The following FSIP1 variants were observed in gnomAD, a reference collection of about 807,000 sequenced individuals.
FSIP1 encodes the protein fibrous sheath-interacting protein 1.
FSIP1 carries 65 observed loss-of-function variants against 60.9 expected under a neutral mutation model. That is an observed-to-expected ratio of 1.07 (90% CI 0.87 to 1.31). The LOEUF is 1.31. Among genes scored for constraint, FSIP1 ranks in the 40% most tolerant of loss-of-function variants. FSIP1 has a pLI of 0.00. For missense variants in FSIP1, 675 were observed against 665.5 expected (o/e 1.01, Z -0.16); for synonymous variants, 209 against 221.2 (o/e 0.94, Z 0.49).
chr15:39,632,093 G>A (rs902873935), intron 10 of FSIP1, among the ~76,000 whole-genome samples: 14 of 152,068 alleles, frequency 9.2e-5, no homozygotes, highest in African/African-American at 2.9e-4. Flanking sequence ...GGTGGTTGTC[G>A]GAAACATCAC....
At chr15:39,703,271 C>T (rs749254969) in intron 10 of FSIP1, among the ~76,000 whole-genome samples, 3 of 152,168 alleles carry the variant, frequency 2.0e-5, no homozygotes, top group South Asian at 2.1e-4. Context: ...CGTGAGCCAC[C>T]GTGCCCAGCT....
chr15:39,603,041 A>G (rs182760009), intron 11 of FSIP1, among the ~76,000 whole-genome samples: 1 of 152,340 alleles, frequency 6.6e-6, no homozygotes, highest in African/African-American at 2.4e-5. Context: ...GACACTACTG[A>G]CATCAAGTCA....
intron 10 of FSIP1, among the ~76,000 whole-genome samples, chr15:39,668,658 C>T (rs948133506): frequency 6.6e-6 from 1 of 152,162 alleles, no homozygotes; most frequent in Non-Finnish European, 1.5e-5. Context: ...TCAGAGTGAC[C>T]GTGTCACTTG....
intron 10 of FSIP1, among the ~76,000 whole-genome samples, chr15:39,633,091 C>CTTTTTT (rs869063502): frequency 0.098 from 10,971 of 112,326 alleles, 765 homozygotes; most frequent in East Asian, 0.22. Context: ...GGCTATACTT[C>CTTTTTT]TTTTTTTTTT....
At chr15:39,626,584 G>C (rs1288981056) in intron 10 of FSIP1, among the ~76,000 whole-genome samples, 1 of 152,130 alleles carries the variant, frequency 6.6e-6, no homozygotes. Flanking sequence ...TGGAACACAG[G>C]GGTGGTTTCC....
chr15:39,638,290 A>G (rs1892217614), intron 10 of FSIP1, among the ~76,000 whole-genome samples: 1 of 152,236 alleles, frequency 6.6e-6, no homozygotes, highest in Admixed American at 6.5e-5. Flanking sequence ...ACATTATAGC[A>G]AAGCATGTTA....
intron 1 of FSIP1, among the ~76,000 whole-genome samples, chr15:39,781,549 C>T (rs1382582555): frequency 6.6e-6 from 1 of 152,000 alleles, no homozygotes; most frequent in Non-Finnish European, 1.5e-5. Context: ...TAATAGCCAA[C>T]AACTGGAAAG....
intron 11 of FSIP1, among the ~76,000 whole-genome samples, chr15:39,602,789 A>G (rs1419593667): frequency 1.3e-5 from 2 of 152,160 alleles, no homozygotes; most frequent in Non-Finnish European, 2.9e-5. Context: ...GCCACCTCCC[A>G]TCCCTCTATA....
intron 5 of FSIP1, among the ~76,000 whole-genome samples, chr15:39,743,892 T>G (rs1052525726): frequency 5.9e-5 from 9 of 152,074 alleles, no homozygotes; most frequent in African/African-American, 1.9e-4. Context: ...TGCTACAAAA[T>G]AATAGGCCTA....
chr15:39,643,268 A>G (rs756949908), intron 10 of FSIP1, among the ~76,000 whole-genome samples: 2 of 152,258 alleles, frequency 1.3e-5, no homozygotes, highest in Non-Finnish European at 1.5e-5. Flanking sequence ...TTAAAAGATG[A>G]GTAGACAAGA....
At chr15:39,746,670 T>C (rs1897004901) in intron 5 of FSIP1, among the ~76,000 whole-genome samples, 1 of 152,188 alleles carries the variant, frequency 6.6e-6, no homozygotes, top group African/African-American at 2.4e-5. Context: ...ACAGCAGACA[T>C]TTTGAAAATA....
intron 2 of FSIP1, among the ~76,000 whole-genome samples, chr15:39,774,199 T>C (rs1470652392): frequency 2.6e-5 from 4 of 152,172 alleles, no homozygotes; most frequent in Non-Finnish European, 5.9e-5. Flanking sequence ...AAAGCACATA[T>C]AGGCCAGACG....
intron 10 of FSIP1, among the ~76,000 whole-genome samples, chr15:39,628,568 C>A (rs1044482863): frequency 8.5e-5 from 13 of 152,192 alleles, no homozygotes; most frequent in Admixed American, 3.9e-4. Context: ...GCATCTCCAG[C>A]ACCCTATCTT....
chr15:39,609,178 G>C (rs1237421422), intron 11 of FSIP1, among the ~76,000 whole-genome samples: 2 of 152,180 alleles, frequency 1.3e-5, no homozygotes, highest in African/African-American at 4.8e-5. Context: ...ACGAGCACAT[G>C]GATCTTGCAG....
At chr15:39,719,552 C>T (rs1895873927) in intron 9 of FSIP1, among the ~76,000 whole-genome samples, 1 of 152,118 alleles carries the variant, frequency 6.6e-6, no homozygotes, top group Non-Finnish European at 1.5e-5. Context: ...GCAAATTACC[C>T]GCAGCTTCGT....
At position 39,604,132 on chromosome 15, in the gene FSIP1, T is replaced by C. The variant is rs542232128; in HGVS notation, c.1700-3206A>G. Reference sequence around the variant, plus strand: ...TTTTAGTACAGATGGGGTTTCTCCGTGTTGGTTAGGCTTGTCTCAAACTCC... The same window carrying C: ...TTTTAGTACAGATGGGGTTTCTCCGCGTTGGTTAGGCTTGTCTCAAACTCC... On this transcript the variant is annotated intron_variant, in intron 11 of 11. Transcript: ENST00000350221. Among the ~76,000 whole-genome samples, 8 of 152,384 alleles carry C rather than the reference T, an allele frequency of 5.2e-5. No individual in the cohort carries two copies. The South Asian group carries it at 1.7e-3, about 32-fold the overall frequency.
At chr15:39,664,854 T>A (rs553217401) in intron 10 of FSIP1, among the ~76,000 whole-genome samples, 5 of 152,272 alleles carry the variant, frequency 3.3e-5, no homozygotes, top group African/African-American at 9.6e-5. Context: ...AGTGCAGGGA[T>A]GCCTGGAAGT....
chr15:39,746,887 G>A (rs917021124), intron 5 of FSIP1, among the ~76,000 whole-genome samples: 2 of 152,068 alleles, frequency 1.3e-5, no homozygotes, highest in Admixed American at 6.5e-5. Context: ...ACGTGAGAGT[G>A]TATCTTTTAA....
rs189991825 is a variant in FSIP1, at chr15:39,697,856, G to A, written c.1188+15588C>T. On this transcript the variant is annotated intron_variant, in intron 10 of 11. Coordinates refer to ENST00000350221, the MANE Select transcript of FSIP1 (RefSeq NM_152597.5). ...TTTTAGATCAAATCTAACAACCCAT[G>A]TCAGACTCACTTTAAAAACACACAG... Among the ~76,000 whole-genome samples, 532 of 152,106 alleles carry A rather than the reference G, an allele frequency of 3.5e-3. 3 individuals are homozygous for A. Among genetic ancestry groups the A allele is most frequent in the African/African-American group, 0.012 (508 of 41,498 alleles).
Sources: gnomAD v4.1 joint callset for allele counts (sites outside exome capture counted in the v4.1 genomes callset) on GRCh38, gnomAD v4.1.1 for gene constraint, MANE v1.5 for transcripts, NCBI Gene and HGNC (gene_info 2026-07-23, HGNC 2026-07-21) for gene names.